Variants in ESR1 observed in about 807,000 individuals in gnomAD.
ESR1 encodes the protein estrogen receptor.
In ESR1, 12 loss-of-function variants were observed where a neutral mutation model predicts 52.7. That is an observed-to-expected ratio of 0.23 (90% CI 0.15 to 0.37). The LOEUF (loss-of-function observed/expected upper bound fraction) is 0.37. Among genes scored for constraint, ESR1 ranks in the 10% least tolerant of loss-of-function variants. The pLI is 1.00. For synonymous variants in ESR1, 305 were observed against 316.8 expected, an observed-to-expected ratio of 0.96 and a Z score of 0.39; for missense variants, 584 against 779.7, an observed-to-expected ratio of 0.75 and a Z score of 2.99.
exon 7 of ESR1, chr6:152,126,470 C>T (rs1463436359): frequency 6.6e-6 from 1 of 152,190 alleles, no homozygotes; most frequent in East Asian, 1.9e-4. Context: ...TCATTCTCCT[C>T]TGGTCTTATT....
intron 4 of ESR1, among the ~76,000 whole-genome samples, chr6:151,972,239 T>C (rs2038984824): frequency 6.6e-6 from 1 of 152,146 alleles, no homozygotes; most frequent in Admixed American, 6.5e-5. Context: ...GAAAAATTGA[T>C]ACCAATCCTA....
intron 2 of ESR1, among the ~76,000 whole-genome samples, chr6:151,878,521 A>T (rs1474254275): frequency 6.6e-6 from 1 of 152,228 alleles, no homozygotes; most frequent in African/African-American, 2.4e-5. Flanking sequence ...TTTCTTGTCA[A>T]GTCCTCACTC....
rs552111892 is a variant in ESR1 at position 151,867,682 on chromosome 6, C to T, written c.644-12973C>T. 1.2e-3 allele frequency among the ~76,000 whole-genome samples: 189 copies of T among 152,262 alleles called. 1 individual carries two copies. The highest frequency in any genetic ancestry group is 6.8e-3 in the Middle Eastern group (2 of 294). On this transcript the variant is annotated intron_variant, in intron 2 of 7. Transcript: ENST00000206249. ...TAGAGAGGATGTGGGGAAATAGGAA[C>T]GTTTTTACACTGTTGGTGGGAGTGT...
intron 6 of ESR1, among the ~76,000 whole-genome samples, chr6:152,066,339 A>G (rs1175488537): frequency 6.6e-6 from 1 of 152,264 alleles, no homozygotes; most frequent in African/African-American, 2.4e-5. Flanking sequence ...TATGTTTAGA[A>G]ATAAGACAGT....
intron 4 of ESR1, among the ~76,000 whole-genome samples, chr6:151,999,692 A>C (rs2041799246): frequency 6.6e-6 from 1 of 152,108 alleles, no homozygotes; most frequent in Non-Finnish European, 1.5e-5. Context: ...CTCTGAAAAG[A>C]TGTAATGAGA....
downstream of ESR1, among the ~76,000 whole-genome samples, chr6:152,104,001 T>TG (rs397809276): frequency 2.7e-5 from 4 of 145,812 alleles, no homozygotes; most frequent in East Asian, 2.0e-4. Context: ...TTTTTTTTTT[T>TG]GCATCACCTT....
At chr6:152,072,038 C>T (rs9479192) in intron 6 of ESR1, among the ~76,000 whole-genome samples, 31,092 of 152,022 alleles carry the variant, frequency 0.2, 4,366 homozygotes, top group African/African-American at 0.38. Flanking sequence ...TCATGCAATG[C>T]GGGCCATGAG....
chr6:151,838,210 C>T lies in ESR1; in HGVS notation c.453-4387C>T, dbSNP rs562511775. Among the ~76,000 whole-genome samples, 4 of 152,106 alleles carry T rather than the reference C, an allele frequency of 2.6e-5. No homozygotes were observed. In the East Asian group the frequency reaches 7.7e-4, roughly 29 times the overall value. On this transcript the variant is annotated intron_variant, in intron 1 of 7. Transcript: ENST00000206249. The stretch of plus-strand genomic sequence containing the variant: ...TGTGATGGTACAGAAAAACAAAGGG[C>T]CTTTGAGGCCGAAGGAGCAGAAGAA...
chr6:152,017,883 C>A (rs1021102387), intron 5 of ESR1, among the ~76,000 whole-genome samples: 1 of 152,028 alleles, frequency 6.6e-6, no homozygotes, highest in African/African-American at 2.4e-5. Context: ...GAAATATTTG[C>A]GGATTTCTCA....
At chr6:152,122,778 C>A in intron 6 of ESR1, 3 of 1,571,868 alleles carry the variant, frequency 1.9e-6, no homozygotes, top group Non-Finnish European at 2.6e-6. Context: ...CCATGCCAAG[C>A]ACACCCCAGC....
At chr6:151,914,518 C>T (rs780666068) in intron 3 of ESR1, among the ~76,000 whole-genome samples, 10 of 152,100 alleles carry the variant, frequency 6.6e-5, no homozygotes, top group Non-Finnish European at 2.9e-5. Context: ...TGAGAATCTG[C>T]GTATATCATA....
chr6:151,815,441 C>T (rs771643653), intron 1 of ESR1, among the ~76,000 whole-genome samples: 1 of 152,144 alleles, frequency 6.6e-6, no homozygotes, highest in Admixed American at 6.5e-5. Flanking sequence ...GTGCATGGCA[C>T]GTGAAAGCCC....
chr6:152,098,953 C>T lies in ESR1; in HGVS notation c.1775C>T (p.Pro592Leu), dbSNP rs772367364. 9.3e-6 allele frequency: 15 copies of T among 1,613,804 alleles called. No homozygotes were observed. Among genetic ancestry groups the T allele is most frequent in the Admixed American group, 1.7e-5 (1 of 60,004 alleles). The change falls in exon 8 of 8, where the codon CCT becomes CTT. Residue 592 changes from proline (P) to leucine (L), a missense_variant. Physicochemically the swap from Pro to Leu is moderately conservative, Grantham distance 98. Transcript: ENST00000206249. This position sits in a 1 kb window ranked among gnomAD's most constrained non-coding sequence, Gnocchi z 5.1. The part of the protein sequence containing the change: ...YYITGEAEGF[P>L]ATV ...ATCACGGGGGAGGCAGAGGGTTTCCCTGCCACGGTCTGAGAGCTCCCTGGC... is the reference window on the plus strand; with the variant it reads ...ATCACGGGGGAGGCAGAGGGTTTCCTTGCCACGGTCTGAGAGCTCCCTGGC...
chr6:152,087,505 C>T (rs1174427548), intron 6 of ESR1, among the ~76,000 whole-genome samples: 1 of 152,170 alleles, frequency 6.6e-6, no homozygotes. Context: ...CTTAACAATG[C>T]TGGGTCCACG....
intron 6 of ESR1, among the ~76,000 whole-genome samples, chr6:152,116,600 C>CT (rs914458702): frequency 9.9e-5 from 15 of 151,846 alleles, no homozygotes; most frequent in African/African-American, 2.4e-4. Flanking sequence ...AAATAATTGA[C>CT]TTTTTTTTAA....
At chr6:151,735,498 G>A (rs1207498727) in intron 2 of ESR1, among the ~76,000 whole-genome samples, 5 of 152,126 alleles carry the variant, frequency 3.3e-5, no homozygotes, top group Admixed American at 3.3e-4. Flanking sequence ...AAATGAGATG[G>A]TCCCCTCCTA....
rs141517635 is a variant in ESR1, at chr6:151,715,629, A to G, written c.-71+13624A>G. Among the ~76,000 whole-genome samples, 557 of 152,166 alleles carry G rather than the reference A, an allele frequency of 3.7e-3. 8 individuals carry two copies. Among genetic ancestry groups the G allele is most frequent in the Non-Finnish European group, 2.8e-3 (190 of 68,010 alleles). ...TTTCTTTTGCTTGATTGATTCAGCT[A>G]TTGATACTTGTGTATGCTTCATAAA... On this transcript the variant is annotated intron_variant, in intron 2 of 2. Coordinates refer to the ESR1 transcript ENST00000404742.
chr6:151,985,645 G>C (rs914171970), intron 4 of ESR1, among the ~76,000 whole-genome samples: 2 of 151,218 alleles, frequency 1.3e-5, no homozygotes, highest in Non-Finnish European at 2.9e-5. Flanking sequence ...TGTCGGATGG[G>C]GCAATCGTCA....
chr6:151,766,111 T>G (rs1785029632), intron 2 of ESR1, among the ~76,000 whole-genome samples: 1 of 152,196 alleles, frequency 6.6e-6, no homozygotes, highest in South Asian at 2.1e-4. Context: ...TATCCAGTGT[T>G]GAAAGAAATT....
Sources: allele counts gnomAD v4.1 joint callset (sites outside exome capture counted in the v4.1 genomes callset), GRCh38; gene constraint gnomAD v4.1.1; non-coding constraint Gnocchi (gnomAD v3.1); transcripts MANE v1.5; gene names NCBI Gene and HGNC (gene_info 2026-07-23, HGNC 2026-07-21).